Variants in SCAMP4 observed in about 807,000 individuals in gnomAD.
SCAMP4 encodes secretory carrier membrane protein 4.
SCAMP4 carries 19 observed loss-of-function variants against 32.1 expected under a neutral mutation model. That is an observed-to-expected ratio of 0.59 (90% CI 0.41 to 0.87). The LOEUF (loss-of-function observed/expected upper bound fraction) is 0.87. Ranked by LOEUF, SCAMP4 falls within the 40% of genes least tolerant of loss-of-function variation. The pLI is 0.00. For synonymous variants in SCAMP4, 152 were observed against 132.7 expected (o/e 1.15, Z -1.00); for missense variants, 302 against 309.0 (o/e 0.98, Z 0.17).
In SCAMP4 at chr19:1,924,503, T is replaced by C; in HGVS notation, c.*219T>C. ...CCTCACAAGCACTCCCCAGCAGCCC[T>C]TGGCCTCTGCCGTCCACAGGACGCC... On this transcript the variant is annotated 3_prime_UTR_variant, in exon 7 of 7. Coordinates refer to ENST00000316097, the MANE Select transcript of SCAMP4 (RefSeq NM_079834.4). 1.7e-6 allele frequency: 1 copy of C among 577,610 alleles called. No homozygotes were observed. Among genetic ancestry groups the C allele is most frequent in the Non-Finnish European group, 3.1e-6 (1 of 321,092 alleles). The allele number at this position is 577,610 out of a possible 1,614,324, so 35.8% of individuals were successfully genotyped here.
intron 1 of SCAMP4, chr19:1,912,179 C>T (rs1478001839): frequency 1.3e-6 from 2 of 1,578,966 alleles, no homozygotes; most frequent in Non-Finnish European, 1.7e-6. Context: ...CGTGGCAGGC[C>T]CTCCCTGTCC....
chr19:1,905,921 T>TC (rs1446591483), intron 1 of SCAMP4: 2 of 152,250 alleles, frequency 1.3e-5, no homozygotes, highest in African/African-American at 4.8e-5. Flanking sequence ...TCGTTCCTCA[T>TC]CGTTACCTAG....
At chr19:1,919,760 A>G (rs924952541) in intron 5 of SCAMP4, among the ~76,000 whole-genome samples, 4 of 151,234 alleles carry the variant, frequency 2.6e-5, no homozygotes, top group Admixed American at 2.0e-4. Context: ...CAGCCTCCCA[A>G]AGTGCTAGGA....
At chr19:1,905,970 G>T (rs753283298) in intron 1 of SCAMP4, 1 of 152,222 alleles carries the variant, frequency 6.6e-6, no homozygotes, top group Admixed American at 6.6e-5. Context: ...CAGGCCCCCA[G>T]TTATCTCCCA....
At chr19:1,921,038 G>T in intron 5 of SCAMP4, 1 of 985,422 alleles carries the variant, frequency 1.0e-6, no homozygotes, top group Non-Finnish European at 1.2e-6. Context: ...GAAACCCAGC[G>T]GGTCTTAGGA....
chr19:1,916,616 G>A (rs546710392), intron 2 of SCAMP4, among the ~76,000 whole-genome samples: 1 of 151,706 alleles, frequency 6.6e-6, no homozygotes, highest in African/African-American at 2.4e-5. Context: ...GCACCACCAC[G>A]CTTGGCTAAT....
intron 6 of SCAMP4, 128 bp downstream of exon 6, chr19:1,923,315 C>A: frequency 1.3e-6 from 1 of 759,952 alleles, no homozygotes; most frequent in Non-Finnish European, 2.1e-6. Context: ...GGCCGCACTT[C>A]ATCCCCAGCA....
intron 1 of SCAMP4, chr19:1,912,350 C>A: frequency 6.5e-7 from 1 of 1,530,402 alleles, no homozygotes; most frequent in Non-Finnish European, 8.7e-7. Context: ...GCGATGCCGG[C>A]AGCCCCCACG....
chr19:1,916,979 C>T (rs965584115), intron 2 of SCAMP4, among the ~76,000 whole-genome samples: 2 of 152,218 alleles, frequency 1.3e-5, no homozygotes, highest in African/African-American at 2.4e-5. Flanking sequence ...TAGCAGGGCC[C>T]TGCATGAAGG....
At chr19:1,922,402 T>G in intron 5 of SCAMP4, 2 of 684,738 alleles carry the variant, frequency 2.9e-6, no homozygotes, top group Non-Finnish European at 3.6e-6. Flanking sequence ...GCCTGGCTAA[T>G]TTTTGTATTT....
rs2014056306 is a variant in SCAMP4 at position 1,925,096 on chromosome 19, G to GTT, written c.*815_*816dup. The stretch of plus-strand genomic sequence containing the variant: ...AGGAGAGGCCTTTGTGTTTTGTTTT[G>GTT]TTTTGTTTTTTCTCTTTTGAGACAA... On this transcript the variant is annotated 3_prime_UTR_variant, in exon 7 of 7. Transcript: ENST00000316097. The GTT allele has an allele frequency of 9.5e-6, 1 of 105,152 alleles. No individual in the cohort carries two copies. The highest frequency in any genetic ancestry group is 1.0e-4 in the Admixed American group (1 of 10,000). 6.5% of individuals were successfully genotyped at this position (105,152 alleles called of 1,614,324 possible).
intron 3 of SCAMP4, 130 bp downstream of exon 3, chr19:1,917,952 C>T: frequency 1.4e-6 from 2 of 1,380,642 alleles, no homozygotes; most frequent in Non-Finnish European, 9.9e-7. Flanking sequence ...CTGGTGGTCC[C>T]TGCGGTGAAC....
At chr19:1,905,629 CGCGT>C (rs1262241447) in intron 1 of SCAMP4, 190 bp downstream of exon 1, 1 of 160,440 alleles carries the variant, frequency 6.2e-6, no homozygotes, top group Admixed American at 6.6e-5. Flanking sequence ...GGCGCGAATG[CGCGT>C]GCGCGCGCGC....
At chr19:1,909,526 G>T (rs1182734771) in intron 1 of SCAMP4, among the ~76,000 whole-genome samples, 2 of 151,890 alleles carry the variant, frequency 1.3e-5, no homozygotes, top group African/African-American at 4.8e-5. Context: ...GATGGTAACG[G>T]CTTTACTGCC....
chr19:1,909,548 C>G (rs949207675), intron 1 of SCAMP4, among the ~76,000 whole-genome samples: 1 of 151,786 alleles, frequency 6.6e-6, no homozygotes. Context: ...CCCGTCCTCA[C>G]CTGTGCCAGT....
intron 1 of SCAMP4, chr19:1,911,749 C>CT (rs1158835946): frequency 3.5e-6 from 1 of 285,278 alleles, no homozygotes; most frequent in Non-Finnish European, 6.5e-6. Context: ...TGCCACTGTA[C>CT]TCCAGCCTGG....
At chr19:1,910,087 G>C (rs920001687) in intron 1 of SCAMP4, among the ~76,000 whole-genome samples, 6 of 152,178 alleles carry the variant, frequency 3.9e-5, no homozygotes, top group Non-Finnish European at 7.3e-5. Context: ...CAGACTCCGT[G>C]CATCTGTGGG....
chr19:1,907,444 G>A (rs1326527649), intron 1 of SCAMP4, among the ~76,000 whole-genome samples: 4 of 151,828 alleles, frequency 2.6e-5, no homozygotes, highest in African/African-American at 2.4e-5. Context: ...GGTGGAAGCC[G>A]AGGCTTGGAG....
At chr19:1,914,902 C>A in intron 1 of SCAMP4, 77 bp from the exon 2 acceptor site, 1 of 1,258,488 alleles carries the variant, frequency 7.9e-7, no homozygotes, top group Non-Finnish European at 1.2e-6. Flanking sequence ...AAGGGCTTTT[C>A]AGCCACGGTG....
Sources: allele counts gnomAD v4.1 joint callset (sites outside exome capture counted in the v4.1 genomes callset), GRCh38; gene constraint gnomAD v4.1.1; transcripts MANE v1.5; gene names NCBI Gene and HGNC (gene_info 2026-07-23, HGNC 2026-07-21).